The following TMEM132B variants were observed in gnomAD, a reference collection of about 807,000 sequenced individuals.
The protein encoded by TMEM132B is transmembrane protein 132B.
A neutral mutation model predicts 90.8 loss-of-function variants in TMEM132B; 18 were observed. That is an observed-to-expected ratio of 0.20 (90% CI 0.14 to 0.29). The LOEUF (loss-of-function observed/expected upper bound fraction) is 0.29. Ranked by LOEUF, TMEM132B falls within the 10% of genes least tolerant of loss-of-function variation. The pLI is 1.00. For synonymous variants in TMEM132B, 504 were observed against 523.3 expected, an observed-to-expected ratio of 0.96 and a Z score of 0.50; for missense variants, 1,096 against 1,326.8, an observed-to-expected ratio of 0.83 and a Z score of 2.70.
At chr12:125,514,884 C>T (rs1339545160) in intron 3 of TMEM132B, among the ~76,000 whole-genome samples, 4 of 152,154 alleles carry the variant, frequency 2.6e-5, no homozygotes, top group African/African-American at 4.8e-5. Context: ...TCTTCTCCTC[C>T]TCCTCCTCCT....
Position 125,307,359 on chromosome 12 carries a change from C to T in TMEM132B, c.68-42093C>T, listed in dbSNP as rs79372264. 1.3e-4 allele frequency among the ~76,000 whole-genome samples: 20 copies of T among 152,226 alleles called. No individual in the cohort carries two copies. In the East Asian group the frequency reaches 1.3e-3, roughly 10 times the overall value. On this transcript the variant is annotated intron_variant, in intron 1 of 8. Transcript: ENST00000682704. Reference sequence around the variant, plus strand: ...CATGACAAACCCATGGATTTAAATACGACTAATGTGTTTCAGTCTGTATGG... The same window carrying T: ...CATGACAAACCCATGGATTTAAATATGACTAATGTGTTTCAGTCTGTATGG...
intron 8 of TMEM132B, among the ~76,000 whole-genome samples, chr12:125,653,137 C>T (rs949781021): frequency 2.6e-5 from 4 of 152,198 alleles, no homozygotes; most frequent in East Asian, 1.9e-4. Flanking sequence ...TGCACCTTCC[C>T]GAGTCCTTCC....
At chr12:125,506,902 C>G (rs982496615) in intron 3 of TMEM132B, among the ~76,000 whole-genome samples, 1 of 152,194 alleles carries the variant, frequency 6.6e-6, no homozygotes, top group African/African-American at 2.4e-5. Flanking sequence ...GCACTGAGTG[C>G]CCAATAAGTT....
At chr12:125,323,761 C>T (rs755017444) in intron 1 of TMEM132B, among the ~76,000 whole-genome samples, 4 of 152,160 alleles carry the variant, frequency 2.6e-5, no homozygotes, top group African/African-American at 7.2e-5. Context: ...TCAGGTGGTC[C>T]GCCTGCCTTG....
At chr12:125,523,274 A>G (rs573070201) in intron 4 of TMEM132B, among the ~76,000 whole-genome samples, 18 of 152,292 alleles carry the variant, frequency 1.2e-4, no homozygotes, top group South Asian at 1.0e-3. Flanking sequence ...CAAAGTTGTC[A>G]GGAGGGCTGG....
At chr12:125,475,606 G>A (rs549737781) in intron 3 of TMEM132B, among the ~76,000 whole-genome samples, 3 of 152,306 alleles carry the variant, frequency 2.0e-5, no homozygotes, top group East Asian at 1.9e-4. Flanking sequence ...TCTTTCTCCC[G>A]TGCTGGATGT....
chr12:125,232,266 T>A (rs112048891), intron 1 of TMEM132B, among the ~76,000 whole-genome samples: 3 of 152,228 alleles, frequency 2.0e-5, no homozygotes, highest in South Asian at 4.1e-4. Context: ...ATCTCATGGT[T>A]CTTTGCTTAG....
At chr12:125,283,423 C>T (rs1054013966) in intron 1 of TMEM132B, among the ~76,000 whole-genome samples, 3 of 152,042 alleles carry the variant, frequency 2.0e-5, no homozygotes, top group Non-Finnish European at 4.4e-5. Flanking sequence ...TACCAGGGTC[C>T]GTCTTCTGTT....
chr12:125,622,853 C>T (rs997441783), intron 5 of TMEM132B, among the ~76,000 whole-genome samples: 2 of 152,184 alleles, frequency 1.3e-5, no homozygotes, highest in Non-Finnish European at 2.9e-5. Flanking sequence ...TCAGAGCATT[C>T]ATTTGATAAA....
chr12:125,654,842 G>A lies in TMEM132B; in HGVS notation c.*132G>A. On this transcript the variant is annotated 3_prime_UTR_variant, in exon 9 of 9. Coordinates refer to ENST00000682704, the MANE Select transcript of TMEM132B (RefSeq NM_001366854.1). This position sits in a 1 kb window ranked among gnomAD's most constrained non-coding sequence, Gnocchi z 5.8. ...GAGGTCTGGTGGGATTCATTTCTAA[G>A]CAGGTAAAAGAGGTTTGGAGAGCTA... 1 of 1,113,098 alleles carries A rather than the reference G, an allele frequency of 9.0e-7. No homozygotes were observed. Among genetic ancestry groups the A allele is most frequent in the East Asian group, 2.6e-5 (1 of 39,018 alleles). 69.0% of individuals were successfully genotyped at this position (1,113,098 alleles called of 1,614,324 possible). A position where few individuals can be genotyped will look rare whatever the true frequency, so the allele number is the denominator to read the frequency against.
In TMEM132B at chr12:125,653,886, G is replaced by A; in HGVS notation, c.2428G>A (p.Gly810Ser). Residue 810 changes from glycine (G) to serine (S), a missense_variant, in exon 9 of 9, where the codon GGC becomes AGC. Gly to Ser is a moderately conservative substitution (Grantham distance 56). Coordinates refer to ENST00000682704, the MANE Select transcript of TMEM132B (RefSeq NM_001366854.1). ...EHQGGSNDIE[G>S]INREYKDHLS... ...CCAAGGAGGCAGCAATGATATTGAGGGCATAAATCGGGAATATAAAGACCA... is the reference window on the plus strand; with the variant it reads ...CCAAGGAGGCAGCAATGATATTGAGAGCATAAATCGGGAATATAAAGACCA... The A allele has an allele frequency of 1.9e-6, 3 of 1,614,118 alleles. No homozygotes were observed. The highest frequency in any genetic ancestry group is 1.1e-5 in the South Asian group (1 of 91,072).
At chr12:125,284,280 G>A (rs1875284454) in intron 1 of TMEM132B, among the ~76,000 whole-genome samples, 2 of 152,286 alleles carry the variant, frequency 1.3e-5, no homozygotes, top group South Asian at 4.1e-4. Flanking sequence ...CCCAGATGCA[G>A]CCAGTGTTAC....
intron 4 of TMEM132B, among the ~76,000 whole-genome samples, chr12:125,559,584 T>C (rs1262846346): frequency 1.3e-5 from 2 of 152,052 alleles, no homozygotes; most frequent in Non-Finnish European, 2.9e-5. Context: ...CCCCTCTGTG[T>C]GATGCGGATG....
At chr12:125,317,320 C>T (rs559413918) in intron 1 of TMEM132B, among the ~76,000 whole-genome samples, 12 of 152,170 alleles carry the variant, frequency 7.9e-5, no homozygotes, top group Non-Finnish European at 1.5e-4. Flanking sequence ...TTAAATTCAC[C>T]TGCAGCTTCA....
At chr12:125,261,112 C>G (rs1480955780) in intron 1 of TMEM132B, among the ~76,000 whole-genome samples, 1 of 152,208 alleles carries the variant, frequency 6.6e-6, no homozygotes, top group Admixed American at 6.5e-5. Context: ...ATGAAACTTG[C>G]AACTTCCACC....
chr12:125,241,029 G>T (rs184978678), intron 1 of TMEM132B, among the ~76,000 whole-genome samples: 1 of 152,190 alleles, frequency 6.6e-6, no homozygotes, highest in Non-Finnish European at 1.5e-5. Context: ...TTAAAACAAC[G>T]ATTCTTAACC....
chr12:125,606,724 G>A (rs920179785), intron 5 of TMEM132B, among the ~76,000 whole-genome samples: 1 of 152,174 alleles, frequency 6.6e-6, no homozygotes, highest in Non-Finnish European at 1.5e-5. Flanking sequence ...TTGACCTCCT[G>A]CCTCCTCCTC....
chr12:125,485,625 A>G (rs1333578662), intron 3 of TMEM132B, among the ~76,000 whole-genome samples: 1 of 152,160 alleles, frequency 6.6e-6, no homozygotes, highest in African/African-American at 2.4e-5. Flanking sequence ...TCTTCTTTGT[A>G]CCAAAACCCA....
intron 3 of TMEM132B, among the ~76,000 whole-genome samples, chr12:125,481,799 A>G (rs1217541399): frequency 6.6e-6 from 1 of 152,208 alleles, no homozygotes; most frequent in East Asian, 1.9e-4. Context: ...AGCCAAGACA[A>G]TCCTAAGCCA....
Sources: allele counts gnomAD v4.1 joint callset (sites outside exome capture counted in the v4.1 genomes callset), GRCh38; gene constraint gnomAD v4.1.1; non-coding constraint Gnocchi (gnomAD v3.1); transcripts MANE v1.5; gene names NCBI Gene and HGNC (gene_info 2026-07-23, HGNC 2026-07-21).